Variants in WNT3 observed in about 807,000 individuals in gnomAD.
WNT3 encodes the protein Wnt family member 3.
In WNT3, 7 loss-of-function variants were observed where a neutral mutation model predicts 34.2. That is an observed-to-expected ratio of 0.20 (90% CI 0.12 to 0.38). The LOEUF (loss-of-function observed/expected upper bound fraction) is 0.38, where lower values mean the gene tolerates loss of function less well. WNT3 is among the 10% of genes least tolerant of loss of function. The pLI, the probability that WNT3 is intolerant of heterozygous loss-of-function variation, is 1.00. For synonymous variants in WNT3, 212 were observed against 211.5 expected, an observed-to-expected ratio of 1.00 and a Z score of -0.02; for missense variants, 267 against 499.8, an observed-to-expected ratio of 0.53 and a Z score of 4.44.
intron 1 of WNT3, among the ~76,000 whole-genome samples, chr17:46,812,952 T>C (rs2084295499): frequency 6.6e-6 from 1 of 152,108 alleles, no homozygotes; most frequent in Non-Finnish European, 1.5e-5. Flanking sequence ...ATGAGGAAAC[T>C]GAGGCTTGCA....
chr17:46,769,327 A>G (rs923034877), intron 3 of WNT3, among the ~76,000 whole-genome samples: 1 of 152,034 alleles, frequency 6.6e-6, no homozygotes, highest in Non-Finnish European at 1.5e-5. Context: ...AAAAAAAAAA[A>G]AAAAAGAAAA....
chr17:46,773,619 T>TGGCTGG, intron 2 of WNT3, 49 bp downstream of exon 2: 1 of 549,848 alleles, frequency 1.8e-6, no homozygotes. Flanking sequence ...ACAGTCCTGA[T>TGGCTGG]CCCTCCCCCC....
At chr17:46,811,306 A>G (rs2084271827) in intron 1 of WNT3, among the ~76,000 whole-genome samples, 1 of 152,152 alleles carries the variant, frequency 6.6e-6, no homozygotes. Context: ...TGCTGATGTC[A>G]ACTCAGCAGG....
intron 4 of WNT3, among the ~76,000 whole-genome samples, chr17:46,766,316 G>A (rs1489401060): frequency 5.3e-5 from 8 of 151,982 alleles, no homozygotes; most frequent in African/African-American, 1.9e-4. Context: ...GCTGAGGCAG[G>A]AGAATCGCTT....
intron 1 of WNT3, among the ~76,000 whole-genome samples, chr17:46,783,991 G>A (rs2059482388): frequency 6.6e-6 from 1 of 152,188 alleles, no homozygotes; most frequent in African/African-American, 2.4e-5. Context: ...GGGTTGACGT[G>A]GATGCTAAGG....
chr17:46,780,524 C>T (rs1208287356), intron 1 of WNT3, among the ~76,000 whole-genome samples: 1 of 152,240 alleles, frequency 6.6e-6, no homozygotes, highest in Non-Finnish European at 1.5e-5. Flanking sequence ...TGCGGTGGCT[C>T]ACGCTTGTAA....
At chr17:46,773,499 GC>G (rs1179087253) in intron 2 of WNT3, among the ~76,000 whole-genome samples, 168 bp downstream of exon 2, 1 of 152,072 alleles carries the variant, frequency 6.6e-6, no homozygotes, top group East Asian at 1.9e-4. Context: ...AGGCGGCCCA[GC>G]CCCCAGCAGC....
chr17:46,777,710 G>A (rs1025728339), intron 1 of WNT3, among the ~76,000 whole-genome samples: 2 of 152,206 alleles, frequency 1.3e-5, no homozygotes, highest in African/African-American at 2.4e-5. Context: ...CTGGGAGGTG[G>A]GCATTGTTAT....
At chr17:46,804,297 A>G (rs1298651783) in intron 1 of WNT3, among the ~76,000 whole-genome samples, 1 of 152,058 alleles carries the variant, frequency 6.6e-6, no homozygotes, top group East Asian at 1.9e-4. Flanking sequence ...CATGTTGGCC[A>G]GGCTGGTTCG....
intron 1 of WNT3, among the ~76,000 whole-genome samples, chr17:46,798,934 G>C (rs567088566): frequency 1.3e-5 from 2 of 151,590 alleles, no homozygotes; most frequent in East Asian, 3.9e-4. Flanking sequence ...TGTAGTCCCA[G>C]CTACTTAGGA....
chr17:46,787,098 C>T (rs1568084152), intron 1 of WNT3, among the ~76,000 whole-genome samples: 1 of 152,156 alleles, frequency 6.6e-6, no homozygotes, highest in East Asian at 1.9e-4. Flanking sequence ...CCACTATGCT[C>T]TGCTAAGTTT....
rs35108068 is a variant in WNT3 at position 46,799,046 on chromosome 17, C to CAA, written c.80+19470_80+19471dup. ...CTGGTGACAGAGCAAGACTCCGTCT[C>CAA]AAAAAAAAAAAAAAAAAAAAATCCC... On this transcript the variant is annotated intron_variant, in intron 1 of 4. Transcript: ENST00000225512. 8.4e-3 allele frequency among the ~76,000 whole-genome samples: 780 copies of CAA among 93,178 alleles called. 10 individuals are homozygous for CAA. Among genetic ancestry groups the CAA allele is most frequent in the African/African-American group, 0.025 (629 of 24,806 alleles). 61.1% of individuals were successfully genotyped at this position (93,178 alleles called of 152,430 possible).
intron 1 of WNT3, among the ~76,000 whole-genome samples, chr17:46,800,094 G>A (rs2084105293): frequency 6.6e-6 from 1 of 152,038 alleles, no homozygotes; most frequent in Admixed American, 6.6e-5. Flanking sequence ...TGGGCCAAGT[G>A]CTAACAGAAT....
chr17:46,778,052 G>A (rs891458600), intron 1 of WNT3, among the ~76,000 whole-genome samples: 1 of 152,168 alleles, frequency 6.6e-6, no homozygotes, highest in Non-Finnish European at 1.5e-5. Context: ...ACGACAGGAG[G>A]AATAAGTGAC....
At chr17:46,778,730 C>T (rs1010075070) in intron 1 of WNT3, among the ~76,000 whole-genome samples, 6 of 152,136 alleles carry the variant, frequency 3.9e-5, no homozygotes, top group Non-Finnish European at 7.4e-5. Flanking sequence ...ATGACTCCAG[C>T]GGGGCTGTTT....
chr17:46,771,309 G>A (rs2059366696), intron 2 of WNT3, among the ~76,000 whole-genome samples: 2 of 152,104 alleles, frequency 1.3e-5, no homozygotes, highest in Non-Finnish European at 2.9e-5. Flanking sequence ...CGGCCTCGGG[G>A]TCCCAGCCGC....
chr17:46,774,377 A>C (rs2059398816), intron 1 of WNT3, among the ~76,000 whole-genome samples: 1 of 151,714 alleles, frequency 6.6e-6, no homozygotes, highest in Admixed American at 6.6e-5. Context: ...CACACACACT[A>C]CCCTTGGCAA....
intron 1 of WNT3, among the ~76,000 whole-genome samples, chr17:46,793,406 C>T (rs1328447281): frequency 1.3e-5 from 2 of 151,936 alleles, no homozygotes; most frequent in African/African-American, 2.4e-5. Context: ...GCTCCGGCCG[C>T]TGTTGGGGTT....
chr17:46,788,552 T>C (rs1278958428), intron 1 of WNT3, among the ~76,000 whole-genome samples: 1 of 152,228 alleles, frequency 6.6e-6, no homozygotes, highest in East Asian at 1.9e-4. Flanking sequence ...CCCCTTTTAA[T>C]GTCTCCAATT....
Sources: allele counts gnomAD v4.1 joint callset (sites outside exome capture counted in the v4.1 genomes callset), GRCh38; gene constraint gnomAD v4.1.1; transcripts MANE v1.5; gene names NCBI Gene and HGNC (gene_info 2026-07-23, HGNC 2026-07-21).